ARHGEF16: variants seen among roughly 807,000 people sequenced by gnomAD.
ARHGEF16 encodes Rho guanine nucleotide exchange factor 16.
In ARHGEF16, 59 loss-of-function variants were observed where a neutral mutation model predicts 74.1. The observed-to-expected ratio is 0.80, with a 90% CI of 0.65 to 0.99. ARHGEF16 has a LOEUF of 0.99. ARHGEF16 is among the 50% of genes least tolerant of loss of function. ARHGEF16 has a pLI of 0.00. For missense variants in ARHGEF16, 948 were observed against 986.6 expected, an observed-to-expected ratio of 0.96 and a Z score of 0.52; for synonymous variants, 415 against 412.6, an observed-to-expected ratio of 1.01 and a Z score of -0.07.
chr1:3,480,142 C>T lies in ARHGEF16; in HGVS notation c.1990+229C>T, dbSNP rs148044947. 3.9e-5 allele frequency among the ~76,000 whole-genome samples: 6 copies of T among 152,302 alleles called. No individual in the cohort carries two copies. The East Asian group carries it at 1.2e-3, about 29-fold the overall frequency. ...GGGAGGAGGAGGTGTCTCTGCCCTC[C>T]CAGGGGATCCCCGCTCAGCCAGGCC... On this transcript the variant is annotated intron_variant, in intron 14 of 14. Transcript: ENST00000378378.
At chr1:3,462,972 C>T in intron 1 of ARHGEF16, 94 bp from the exon 2 acceptor site, 1 of 885,990 alleles carries the variant, frequency 1.1e-6, no homozygotes, top group East Asian at 2.7e-5. Flanking sequence ...GTACTGGAGC[C>T]CCGGCCAGAC....
intron 1 of ARHGEF16, among the ~76,000 whole-genome samples, chr1:3,455,528 T>C (rs546597470): frequency 6.6e-6 from 1 of 152,152 alleles, no homozygotes; most frequent in East Asian, 1.9e-4. Context: ...AGTATCCCTT[T>C]TGAGATTTGA....
At chr1:3,476,964 G>A (rs1396097692) in intron 10 of ARHGEF16, among the ~76,000 whole-genome samples, 1 of 152,032 alleles carries the variant, frequency 6.6e-6, no homozygotes, top group Non-Finnish European at 1.5e-5. Flanking sequence ...GGGGTGTAAC[G>A]CCTGCCCCTG....
intron 1 of ARHGEF16, among the ~76,000 whole-genome samples, chr1:3,456,497 C>A (rs937825189): frequency 6.6e-6 from 1 of 152,230 alleles, no homozygotes. Context: ...ACCCCCACTC[C>A]CCCCGGTCCC....
rs759695331 is a variant in ARHGEF16 at position 3,478,581 on chromosome 1, C to G, written c.1783C>G (p.Gln595Glu). Residue 595 changes from glutamine to glutamate, a missense_variant, in exon 12 of 15, where the codon CAG becomes GAG. Physicochemically the swap from Gln to Glu is conservative, Grantham distance 29. Transcript: ENST00000378378. The stretch of plus-strand genomic sequence containing the variant: ...CCTGCTTCGCAACAGCGAGGGCCGC[C>G]AGGAGCAGCTCCTGCTCTCCTCGGA... ...VTLLRNSEGR[Q>E]EQLLLSSDSA... is the part of the protein sequence containing the mutation. 4.3e-6 allele frequency: 7 copies of G among 1,612,184 alleles called. No individual in the cohort carries two copies. The Admixed American group carries it at 1.2e-4, about 27-fold the overall frequency.
intron 1 of ARHGEF16, among the ~76,000 whole-genome samples, chr1:3,457,259 G>T (rs1385016227): frequency 1.3e-5 from 2 of 152,284 alleles, no homozygotes; most frequent in Non-Finnish European, 2.9e-5. Context: ...TGTAGCTTGA[G>T]TTTGCCTTCA....
chr1:3,470,695 GTGTCTGTGCATGGC>G (rs1639688314), intron 6 of ARHGEF16, among the ~76,000 whole-genome samples: 1 of 150,594 alleles, frequency 6.6e-6, no homozygotes, highest in South Asian at 2.1e-4. Context: ...GTGGGCAAGG[GTGTCTGTGCATGGC>G]TGTGTGTGCG....
intron 2 of ARHGEF16, among the ~76,000 whole-genome samples, chr1:3,465,258 G>A (rs904703938): frequency 3.3e-5 from 5 of 152,250 alleles, no homozygotes; most frequent in Admixed American, 1.3e-4. Context: ...GGCCTCCAGC[G>A]CAGGGAGAAT....
At position 3,468,733 on chromosome 1, in the gene ARHGEF16, A is replaced by C. The variant is rs950295068; in HGVS notation, c.805-147A>C. 1.1e-5 allele frequency: 9 copies of C among 810,614 alleles called. No homozygotes were observed. The African/African-American group carries it at 1.5e-4, about 14-fold the overall frequency. 50.2% of individuals were successfully genotyped at this position (810,614 alleles called of 1,614,324 possible). ...GACGGGGATAGGCCCTCGGCAGGAC[A>C]GGCCTACTCCAGGATCGGACCTACC... On this transcript the variant is annotated intron_variant, in intron 4 of 14. Transcript: ENST00000378378.
chr1:3,462,331 G>A (rs904121074), intron 1 of ARHGEF16, among the ~76,000 whole-genome samples: 4 of 152,188 alleles, frequency 2.6e-5, no homozygotes, highest in African/African-American at 7.2e-5. Context: ...AAATGCAAGC[G>A]TGTTGCCTGG....
At chr1:3,478,141 G>A in intron 11 of ARHGEF16, 115 bp downstream of exon 11, 1 of 1,434,926 alleles carries the variant, frequency 7.0e-7, no homozygotes, top group Non-Finnish European at 9.6e-7. Context: ...TCAGAGCCGA[G>A]GCGCGGCTTC....
At chr1:3,470,227 C>G (rs964777561) in intron 6 of ARHGEF16, among the ~76,000 whole-genome samples, 17 of 149,650 alleles carry the variant, frequency 1.1e-4, no homozygotes, top group African/African-American at 4.0e-4. Context: ...GCATCCAGCA[C>G]CCTGGTGTGT....
intron 10 of ARHGEF16, among the ~76,000 whole-genome samples, chr1:3,477,170 C>T (rs949378210): frequency 7.3e-5 from 11 of 151,418 alleles, no homozygotes; most frequent in Non-Finnish European, 1.6e-4. Flanking sequence ...GTGGGGAAGC[C>T]GGGGCCCACA....
intron 8 of ARHGEF16, chr1:3,474,339 C>T (rs1639823762): frequency 7.0e-6 from 2 of 287,424 alleles, no homozygotes; most frequent in South Asian, 9.3e-5. Flanking sequence ...TGAGGCTACA[C>T]ATGGCAGGGT....
intron 8 of ARHGEF16, chr1:3,474,060 T>C (rs1161013605): frequency 5.2e-6 from 1 of 192,872 alleles, no homozygotes; most frequent in African/African-American, 2.3e-5. Flanking sequence ...TATGTGCCCA[T>C]GTGCACACAA....
intron 1 of ARHGEF16, among the ~76,000 whole-genome samples, chr1:3,457,705 C>T (rs968002200): frequency 3.3e-5 from 5 of 152,174 alleles, no homozygotes; most frequent in East Asian, 1.9e-4. Flanking sequence ...GACTGGCCAG[C>T]GACCACAGAT....
chr1:3,471,779 A>G, intron 6 of ARHGEF16: 4 of 1,123,684 alleles, frequency 3.6e-6, no homozygotes, highest in Non-Finnish European at 4.5e-6. Flanking sequence ...CTGGGGAATC[A>G]TCGCTATTTG....
Position 3,478,207 on chromosome 1 carries a change from C to T in ARHGEF16, c.1625+181C>T, listed in dbSNP as rs1054946614. Reference sequence around the variant, plus strand: ...GGGCAGGTGGCGCTCGCTGTGCAGCCTCTGACCTCCTCTGCAGACCTGGGT... The same window carrying T: ...GGGCAGGTGGCGCTCGCTGTGCAGCTTCTGACCTCCTCTGCAGACCTGGGT... On this transcript the variant is annotated intron_variant, in intron 11 of 14. Transcript: ENST00000378378. 1.3e-5 allele frequency: 12 copies of T among 936,622 alleles called. No homozygotes were observed. In the African/African-American group the frequency reaches 1.5e-4, roughly 12 times the overall value. The allele number at this position is 936,622 out of a possible 1,614,324, so 58.0% of individuals were successfully genotyped here.
rs1569853321 is a variant in ARHGEF16, at chr1:3,467,353, G to A, written c.804+16G>A. 6.5e-7 allele frequency: 1 copy of A among 1,541,640 alleles called. No homozygotes were observed. Among genetic ancestry groups the A allele is most frequent in the Non-Finnish European group, 8.8e-7 (1 of 1,141,378 alleles). ...GCTCCCAGAGGTAGCGCCGGAGGGT[G>A]GGTGAGGCTGCCCCACAGAGGCAGG... On this transcript the variant is annotated intron_variant, in intron 4 of 14. Transcript: ENST00000378378.
Sources: gnomAD v4.1 joint callset for allele counts (sites outside exome capture counted in the v4.1 genomes callset) on GRCh38, gnomAD v4.1.1 for gene constraint, MANE v1.5 for transcripts, NCBI Gene and HGNC (gene_info 2026-07-23, HGNC 2026-07-21) for gene names.